NSMAF: variants seen among roughly 807,000 people sequenced by gnomAD.
NSMAF encodes the protein neutral sphingomyelinase activation associated factor.
NSMAF carries 90 observed loss-of-function variants against 134.9 expected under a neutral mutation model. The observed-to-expected ratio is 0.67, with a 90% CI of 0.56 to 0.79. The LOEUF is 0.79. NSMAF is among the 30% of genes least tolerant of loss of function. The pLI is 0.00. For synonymous variants in NSMAF, 358 were observed against 389.6 expected, an observed-to-expected ratio of 0.92 and a Z score of 0.96; for missense variants, 1,010 against 1,119.0, an observed-to-expected ratio of 0.90 and a Z score of 1.39.
At chr8:58,619,216 A>C (rs984376341) in intron 9 of NSMAF, among the ~76,000 whole-genome samples, 5 of 152,204 alleles carry the variant, frequency 3.3e-5, no homozygotes, top group Non-Finnish European at 7.4e-5. Flanking sequence ...AGAATCAAAC[A>C]AACATAAACA....
At chr8:58,618,060 G>A (rs372619758) in intron 9 of NSMAF, among the ~76,000 whole-genome samples, 2 of 152,116 alleles carry the variant, frequency 1.3e-5, no homozygotes, top group East Asian at 1.9e-4. Flanking sequence ...CTATCGCAAG[G>A]ACAGCAAGCC....
chr8:58,605,817 T>TTGCAG, intron 12 of NSMAF, 110 bp downstream of exon 12: 1 of 1,159,808 alleles, frequency 8.6e-7, no homozygotes, highest in Non-Finnish European at 1.1e-6. Context: ...GAGGCGGAGG[T>TTGCAG]TGCAGTGAGC....
In NSMAF at chr8:58,633,275, C is replaced by T. The variant is rs575298290; in HGVS notation, c.334-1729G>A. On this transcript the variant is annotated intron_variant, in intron 5 of 30. Coordinates refer to ENST00000038176, the MANE Select transcript of NSMAF (RefSeq NM_003580.4). ...CCCCAGGAGCACTCACACTCCTGTG[C>T]CTCCCACCTGTCAAGGACATGCCCA... Among the ~76,000 whole-genome samples, 18 of 152,330 alleles carry T rather than the reference C, an allele frequency of 1.2e-4. No homozygotes were observed. In the South Asian group the frequency reaches 3.5e-3, roughly 30 times the overall value.
chr8:58,608,166 T>C (rs1209417447), intron 10 of NSMAF, among the ~76,000 whole-genome samples: 1 of 152,230 alleles, frequency 6.6e-6, no homozygotes, highest in Non-Finnish European at 1.5e-5. Flanking sequence ...ATAAGAAATA[T>C]AAAGAACTGG....
At chr8:58,637,229 C>T (rs1368130421) in intron 2 of NSMAF, 3 of 428,468 alleles carry the variant, frequency 7.0e-6, no homozygotes, top group Admixed American at 2.5e-5. Context: ...TGATACCTTC[C>T]TTACTTGCCA....
intron 23 of NSMAF, 105 bp from the exon 24 acceptor site, chr8:58,591,039 A>G (rs1031176134): frequency 2.8e-5 from 36 of 1,300,476 alleles, no homozygotes; most frequent in Non-Finnish European, 3.4e-5. Context: ...AGTACACTTT[A>G]TACTCCAAAG....
intron 27 of NSMAF, among the ~76,000 whole-genome samples, chr8:58,586,868 T>C (rs1375903688): frequency 6.6e-6 from 1 of 152,222 alleles, no homozygotes; most frequent in East Asian, 1.9e-4. Context: ...TGTTTTAAAA[T>C]AGCTTAAAAC....
chr8:58,598,490 CAAAAA>C (rs71250204), intron 19 of NSMAF, among the ~76,000 whole-genome samples: 1,606 of 125,878 alleles, frequency 0.013, 7 homozygotes, highest in African/African-American at 0.047. Context: ...CTGTCTCAAA[CAAAAA>C]AAAAAAAAAA....
intron 9 of NSMAF, among the ~76,000 whole-genome samples, chr8:58,613,399 T>C (rs1056193513): frequency 6.6e-6 from 1 of 152,116 alleles, no homozygotes; most frequent in Non-Finnish European, 1.5e-5. Flanking sequence ...AATGATATTA[T>C]CTGAAGGTAC....
intron 26 of NSMAF, 57 bp from the exon 27 acceptor site, chr8:58,587,758 C>G (rs1378839461): frequency 5.4e-6 from 8 of 1,476,666 alleles, no homozygotes; most frequent in Non-Finnish European, 6.6e-6. Flanking sequence ...AAGTCATTTT[C>G]TAGTGCATTC....
At chr8:58,616,701 A>G (rs531898932) in intron 9 of NSMAF, among the ~76,000 whole-genome samples, 214 of 152,300 alleles carry the variant, frequency 1.4e-3, no homozygotes, top group African/African-American at 4.8e-3. Context: ...TGAGGCAATA[A>G]TGTTCATTTC....
At chr8:58,583,506 T>G (rs1323452709), downstream of NSMAF, 1 of 152,252 alleles carries the variant, frequency 6.6e-6, no homozygotes, top group African/African-American at 2.4e-5. Flanking sequence ...AAAACAGCTT[T>G]CTTTAGAGAA....
chr8:58,586,319 G>T (rs746509231), intron 28 of NSMAF, 139 bp downstream of exon 28: 7 of 828,248 alleles, frequency 8.5e-6, no homozygotes, highest in Non-Finnish European at 1.3e-5. Context: ...AGCAGTGTTA[G>T]CCATTGGCAA....
chr8:58,592,424 A>AT (rs1563523883), intron 23 of NSMAF, among the ~76,000 whole-genome samples: 1 of 152,220 alleles, frequency 6.6e-6, no homozygotes, highest in East Asian at 1.9e-4. Context: ...AGCTAAGCTC[A>AT]TAAGTGGTGG....
At chr8:58,656,224 G>A (rs1055778303) in intron 1 of NSMAF, among the ~76,000 whole-genome samples, 1 of 151,790 alleles carries the variant, frequency 6.6e-6, no homozygotes, top group African/African-American at 2.4e-5. Context: ...GGCTGGTCTC[G>A]AACTCCTCAC....
At position 58,584,012 on chromosome 8, in the gene NSMAF, T is replaced by C. The variant is rs1585720383; in HGVS notation, c.*94A>G. The stretch of plus-strand genomic sequence containing the variant: ...TTTTCCATGTGGTAAAACTTCTAAT[T>C]ACTAACATTGCACATTCACCAGTCC... On this transcript the variant is annotated 3_prime_UTR_variant, in exon 31 of 31. Transcript: ENST00000038176. 6.2e-6 allele frequency: 6 copies of C among 973,738 alleles called. No individual in the cohort carries two copies. In the East Asian group the frequency reaches 1.5e-4, roughly 24 times the overall value. 60.3% of individuals were successfully genotyped at this position (973,738 alleles called of 1,614,324 possible).
At chr8:58,591,363 A>G (rs1806018525) in intron 23 of NSMAF, among the ~76,000 whole-genome samples, 1 of 152,188 alleles carries the variant, frequency 6.6e-6, no homozygotes. Flanking sequence ...TATATAGTTA[A>G]GTGTGATACC....
chr8:58,649,495 C>T (rs1403132434), intron 1 of NSMAF, among the ~76,000 whole-genome samples: 1 of 152,066 alleles, frequency 6.6e-6, no homozygotes, highest in Non-Finnish European at 1.5e-5. Flanking sequence ...GGGCCAGGGG[C>T]AGAATGATAT....
At chr8:58,642,415 GTTT>G (rs1317422635) in intron 2 of NSMAF, among the ~76,000 whole-genome samples, 1 of 152,150 alleles carries the variant, frequency 6.6e-6, no homozygotes, top group African/African-American at 2.4e-5. Flanking sequence ...GAAACAATCT[GTTT>G]TTATAGTAGT....
Sources: gnomAD v4.1 joint callset for allele counts (sites outside exome capture counted in the v4.1 genomes callset) on GRCh38, gnomAD v4.1.1 for gene constraint, MANE v1.5 for transcripts, NCBI Gene and HGNC (gene_info 2026-07-23, HGNC 2026-07-21) for gene names.